The following TMCO1 variants were observed in gnomAD, a reference collection of about 807,000 sequenced individuals.
TMCO1 encodes calcium load-activated calcium channel.
In TMCO1, 29 loss-of-function variants were observed where a neutral mutation model predicts 29.3. That is an observed-to-expected ratio of 0.99 (90% CI 0.74 to 1.35). The LOEUF (loss-of-function observed/expected upper bound fraction) is 1.35, where lower values mean the gene tolerates loss of function less well. Among genes scored for constraint, TMCO1 ranks in the 40% most tolerant of loss-of-function variants. TMCO1 has a pLI of 0.00. For missense variants in TMCO1, 173 were observed against 225.5 expected, an observed-to-expected ratio of 0.77 and a Z score of 1.49; for synonymous variants, 80 against 77.1, an observed-to-expected ratio of 1.04 and a Z score of -0.20.
intron 6 of TMCO1, among the ~76,000 whole-genome samples, chr1:165,732,596 T>C (rs988016353): frequency 2.0e-5 from 3 of 151,670 alleles, no homozygotes; most frequent in African/African-American, 4.8e-5. Context: ...GACCCTAACA[T>C]AAACTATGGA....
chr1:165,768,113 C>T (rs1652642339), intron 2 of TMCO1, 79 bp downstream of exon 2: 1 of 1,212,966 alleles, frequency 8.2e-7, no homozygotes, highest in Non-Finnish European at 1.2e-6. Context: ...TCAGCTGGTG[C>T]TCTTAAAATA....
intron 6 of TMCO1, among the ~76,000 whole-genome samples, chr1:165,739,998 G>A (rs903531621): frequency 3.3e-5 from 5 of 151,576 alleles, no homozygotes; most frequent in African/African-American, 1.2e-4. Flanking sequence ...TATAATCCCA[G>A]CTTCTTGGGA....
intron 4 of TMCO1, among the ~76,000 whole-genome samples, chr1:165,753,806 G>C (rs946249794): frequency 1.3e-5 from 2 of 151,794 alleles, no homozygotes; most frequent in African/African-American, 4.9e-5. Context: ...GCAAGATCCT[G>C]TCTCTAAAAA....
intron 6 of TMCO1, among the ~76,000 whole-genome samples, chr1:165,736,010 C>T (rs1178477649): frequency 1.3e-5 from 2 of 152,108 alleles, no homozygotes; most frequent in African/African-American, 4.8e-5. Context: ...AAGGTGGGAA[C>T]TTTTGGAGGT....
At chr1:165,758,327 C>T (rs370264821) in intron 3 of TMCO1, among the ~76,000 whole-genome samples, 10 of 152,156 alleles carry the variant, frequency 6.6e-5, no homozygotes, top group South Asian at 6.2e-4. Context: ...GAGGTTGAGG[C>T]GGCGGATCAC....
At chr1:165,765,001 A>C (rs2101817696) in intron 2 of TMCO1, among the ~76,000 whole-genome samples, 1 of 152,330 alleles carries the variant, frequency 6.6e-6, no homozygotes, top group South Asian at 2.1e-4. Context: ...AATGGACTGC[A>C]TATATGGGGC....
chr1:165,763,701 C>T (rs1220805789), intron 2 of TMCO1, among the ~76,000 whole-genome samples: 1 of 152,248 alleles, frequency 6.6e-6, no homozygotes, highest in East Asian at 1.9e-4. Context: ...TCTCTGCTCA[C>T]TGCAAACCCC....
chr1:165,752,251 CATTTTTT>C (rs1366294486), intron 4 of TMCO1, 82 bp from the exon 5 acceptor site: 241 of 672,562 alleles, frequency 3.6e-4, no homozygotes, highest in Non-Finnish European at 4.6e-4. Flanking sequence ...GGTTTCATGT[CATTTTTT>C]TTTTTTTTTT....
chr1:165,725,080 G>T, downstream of TMCO1: 2 of 395,170 alleles, frequency 5.1e-6, no homozygotes, highest in African/African-American at 2.2e-5. Flanking sequence ...GTATATTTTT[G>T]AGATTTTTCA....
intron 1 of TMCO1, 92 bp from the exon 2 acceptor site, chr1:165,768,361 C>CT: frequency 6.6e-7 from 1 of 1,517,014 alleles, no homozygotes; most frequent in South Asian, 1.1e-5. Flanking sequence ...GGAATTCCAA[C>CT]TTTTCGCTTT....
At chr1:165,739,798 A>G (rs1476384559) in intron 6 of TMCO1, among the ~76,000 whole-genome samples, 2 of 152,092 alleles carry the variant, frequency 1.3e-5, no homozygotes, top group Non-Finnish European at 2.9e-5. Flanking sequence ...AAGTAAAGTA[A>G]CAAAATCTGC....
chr1:165,743,864 CTT>C (rs1173483545), intron 5 of TMCO1, among the ~76,000 whole-genome samples: 17 of 141,476 alleles, frequency 1.2e-4, no homozygotes, highest in Non-Finnish European at 1.1e-4. Context: ...CTGATAATTC[CTT>C]TTTTTTTTTT....
At chr1:165,754,571 G>C (rs1269387217) in intron 3 of TMCO1, among the ~76,000 whole-genome samples, 4 of 152,102 alleles carry the variant, frequency 2.6e-5, no homozygotes, top group Non-Finnish European at 5.9e-5. Context: ...AAAGGGAATT[G>C]CCAATCAGTT....
intron 3 of TMCO1, 132 bp downstream of exon 3, chr1:165,759,393 T>C (rs1571229685): frequency 4.3e-6 from 3 of 697,120 alleles, no homozygotes; most frequent in South Asian, 1.8e-5. Context: ...AGATAAAGTA[T>C]GCATGTGCTT....
rs751227407 is a variant in TMCO1 at position 165,743,318 on chromosome 1, G to GAAA, written c.324-10_324-8dup. On this transcript the variant is annotated splice_region_variant and splice_polypyrimidine_tract_variant and intron_variant, in intron 5 of 6. Coordinates refer to ENST00000367881, the MANE Select transcript of TMCO1 (RefSeq NM_019026.6). The stretch of plus-strand genomic sequence containing the variant: ...CACCACTCTACCATCAAATCTAAAA[G>GAAA]AAAAAAAAAAAAAAAGAATTGTTAT... The GAAA allele has an allele frequency of 1.5e-5, 20 of 1,347,814 alleles. No homozygotes were observed. The highest frequency in any genetic ancestry group is 2.6e-5 in the East Asian group (1 of 39,162). 83.5% of individuals were successfully genotyped at this position (1,347,814 alleles called of 1,614,324 possible).
chr1:165,768,055 A>G (rs1392153665), intron 2 of TMCO1, 137 bp downstream of exon 2: 2 of 775,024 alleles, frequency 2.6e-6, no homozygotes, highest in East Asian at 5.3e-5. Context: ...CATTTTGCAT[A>G]AAAGTCTTCT....
chr1:165,733,498 G>A (rs563699082), intron 6 of TMCO1, among the ~76,000 whole-genome samples: 6 of 152,168 alleles, frequency 3.9e-5, no homozygotes, highest in Admixed American at 3.9e-4. Context: ...CTACTTGGGA[G>A]GCTGAGGCAG....
At position 165,743,318 on chromosome 1, in the gene TMCO1, GAAA is replaced by G. The variant is rs751227407; in HGVS notation, c.324-10_324-8del. On this transcript the variant is annotated splice_region_variant and splice_polypyrimidine_tract_variant and intron_variant, in intron 5 of 6. Transcript: ENST00000367881. ...CACCACTCTACCATCAAATCTAAAA[GAAA>G]AAAAAAAAAAAAGAATTGTTATCTT... The G allele has an allele frequency of 6.8e-5, 92 of 1,345,488 alleles. No homozygotes were observed. The highest frequency in any genetic ancestry group is 2.2e-4 in the Middle Eastern group (1 of 4,538). The allele number at this position is 1,345,488 out of a possible 1,614,324, so 83.3% of individuals were successfully genotyped here.
chr1:165,764,508 C>G (rs559037282), intron 2 of TMCO1, among the ~76,000 whole-genome samples: 149 of 152,152 alleles, frequency 9.8e-4, no homozygotes, highest in Non-Finnish European at 1.8e-3. Flanking sequence ...GCTTTGAGAT[C>G]TGAAGAATGA....
Sources: gnomAD v4.1 joint callset for allele counts (sites outside exome capture counted in the v4.1 genomes callset) on GRCh38, gnomAD v4.1.1 for gene constraint, MANE v1.5 for transcripts, NCBI Gene and HGNC (gene_info 2026-07-23, HGNC 2026-07-21) for gene names.